The following FGF10 variants were observed in gnomAD, a reference collection of about 807,000 sequenced individuals.
FGF10 encodes fibroblast growth factor 10.
FGF10 carries 2 observed loss-of-function variants against 19.8 expected under a neutral mutation model. The observed-to-expected ratio is 0.10, with a 90% CI of 0.04 to 0.32. FGF10 has a LOEUF of 0.32. FGF10 is among the 10% of genes least tolerant of loss of function. FGF10 has a pLI of 1.00. For synonymous variants in FGF10, 112 were observed against 94.0 expected, an observed-to-expected ratio of 1.19 and a Z score of -1.10; for missense variants, 191 against 246.3, an observed-to-expected ratio of 0.78 and a Z score of 1.50.
chr5:44,367,575 A>G (rs1309526342), intron 1 of FGF10, among the ~76,000 whole-genome samples: 1 of 152,006 alleles, frequency 6.6e-6, no homozygotes, highest in Non-Finnish European at 1.5e-5. Context: ...CAGTGAAGTT[A>G]CTCGGCTTCT....
rs189910358 is a variant in FGF10 at position 44,324,801 on chromosome 5, T to C, written c.326-14271A>G. On this transcript the variant is annotated intron_variant, in intron 1 of 2. Coordinates refer to ENST00000264664, the MANE Select transcript of FGF10 (RefSeq NM_004465.2). Reference sequence around the variant, plus strand: ...TGGCAAAACCTAATTCTAGGTAAAGTGGTTGACTTTTTCAAGTCAGATTAA... The same window carrying C: ...TGGCAAAACCTAATTCTAGGTAAAGCGGTTGACTTTTTCAAGTCAGATTAA... Among the ~76,000 whole-genome samples, 14 of 152,282 alleles carry C rather than the reference T, an allele frequency of 9.2e-5. No homozygotes were observed. The South Asian group carries it at 1.9e-3, about 20-fold the overall frequency.
intron 1 of FGF10, among the ~76,000 whole-genome samples, chr5:44,328,948 G>A (rs970859840): frequency 2.0e-5 from 3 of 152,082 alleles, no homozygotes; most frequent in Non-Finnish European, 4.4e-5. Context: ...AGTGAGCCAC[G>A]ATTGCACCAT....
At chr5:44,347,736 C>T (rs1434103689) in intron 1 of FGF10, among the ~76,000 whole-genome samples, 3 of 151,696 alleles carry the variant, frequency 2.0e-5, no homozygotes, top group Non-Finnish European at 4.4e-5. Flanking sequence ...AAAATAAGTG[C>T]TCAATCAATA....
chr5:44,373,126 C>T (rs919827412), intron 1 of FGF10, among the ~76,000 whole-genome samples: 1 of 152,124 alleles, frequency 6.6e-6, no homozygotes, highest in Non-Finnish European at 1.5e-5. Context: ...TTCTCAAAAA[C>T]TCTGTGGTCC....
chr5:44,367,025 G>A (rs1382294517), intron 1 of FGF10, among the ~76,000 whole-genome samples: 1 of 151,862 alleles, frequency 6.6e-6, no homozygotes, highest in Non-Finnish European at 1.5e-5. Flanking sequence ...TTCTCAAACT[G>A]CAAGAAAATA....
chr5:44,313,891 A>G (rs544626551), intron 1 of FGF10, among the ~76,000 whole-genome samples: 2 of 152,152 alleles, frequency 1.3e-5, no homozygotes, highest in Non-Finnish European at 2.9e-5. Context: ...AAAGTCAAAT[A>G]CGTAATGGCT....
chr5:44,313,000 C>T (rs976881649), intron 1 of FGF10, among the ~76,000 whole-genome samples: 1 of 151,988 alleles, frequency 6.6e-6, no homozygotes, highest in Non-Finnish European at 1.5e-5. Flanking sequence ...TTCTGCTTTA[C>T]CTGAAATGGG....
rs901957735 is a variant in FGF10 at position 44,301,341 on chromosome 5, A to G, written c.*3654T>C. On this transcript the variant is annotated 3_prime_UTR_variant, in exon 3 of 3. Coordinates refer to ENST00000264664, the MANE Select transcript of FGF10 (RefSeq NM_004465.2). ...AAAAAGGTAAATTTTACTTCACTGA[A>G]TAATCACAAACCTTGAATTGGCAGC... Among the ~76,000 whole-genome samples the G allele has an allele frequency of 1.3e-5, 2 of 152,206 alleles. No homozygotes were observed. Among genetic ancestry groups the G allele is most frequent in the African/African-American group, 4.8e-5 (2 of 41,476 alleles).
chr5:44,301,220 T>C lies in FGF10; in HGVS notation c.*3775A>G, dbSNP rs2111652514. 6.6e-6 allele frequency among the ~76,000 whole-genome samples: 1 copy of C among 152,276 alleles called. No homozygotes were observed. The highest frequency in any genetic ancestry group is 2.1e-4 in the South Asian group (1 of 4,824). ...ATCTGTTTGCATGTATATGTCCTACTTCTAATGTACTAGACATCTTCTCTT... is the reference window on the plus strand; with the variant it reads ...ATCTGTTTGCATGTATATGTCCTACCTCTAATGTACTAGACATCTTCTCTT... On this transcript the variant is annotated 3_prime_UTR_variant, in exon 3 of 3. Coordinates refer to ENST00000264664, the MANE Select transcript of FGF10 (RefSeq NM_004465.2).
chr5:44,321,873 T>C (rs1050483031), intron 1 of FGF10, among the ~76,000 whole-genome samples: 27 of 152,266 alleles, frequency 1.8e-4, no homozygotes, highest in South Asian at 4.1e-4. Flanking sequence ...GTGATTCTCC[T>C]GCCTCAGCCT....
chr5:44,347,232 C>T (rs17234198), intron 1 of FGF10, among the ~76,000 whole-genome samples: 3,253 of 151,814 alleles, frequency 0.021, 72 homozygotes, highest in African/African-American at 0.057. Flanking sequence ...CCTCCCTATG[C>T]TTCCTGGGAT....
chr5:44,344,383 T>C (rs1561208383), intron 1 of FGF10, among the ~76,000 whole-genome samples: 1 of 151,940 alleles, frequency 6.6e-6, no homozygotes, highest in Non-Finnish European at 1.5e-5. Flanking sequence ...TATTTGTTAC[T>C]AGGGTACTAT....
chr5:44,383,680 G>C (rs1462297637), intron 1 of FGF10, among the ~76,000 whole-genome samples: 1 of 152,004 alleles, frequency 6.6e-6, no homozygotes, highest in Non-Finnish European at 1.5e-5. Context: ...CCATATGGTA[G>C]GAATGCAGTA....
At chr5:44,305,829 G>A (rs143248335) in intron 2 of FGF10, among the ~76,000 whole-genome samples, 1 of 152,154 alleles carries the variant, frequency 6.6e-6, no homozygotes, top group Non-Finnish European at 1.5e-5. Flanking sequence ...TGAACTCTAG[G>A]GATTGAAAAC....
At chr5:44,320,584 G>A (rs1035362996) in intron 1 of FGF10, among the ~76,000 whole-genome samples, 1 of 152,150 alleles carries the variant, frequency 6.6e-6, no homozygotes, top group African/African-American at 2.4e-5. Flanking sequence ...CATTCATTCT[G>A]CAAGCCTGCT....
intron 1 of FGF10, among the ~76,000 whole-genome samples, chr5:44,370,279 C>T (rs984145511): frequency 2.0e-5 from 3 of 152,108 alleles, no homozygotes; most frequent in Non-Finnish European, 4.4e-5. Flanking sequence ...TCAGAATGCA[C>T]AACTCTTATC....
At chr5:44,308,780 C>A (rs1740143396) in intron 2 of FGF10, among the ~76,000 whole-genome samples, 1 of 152,100 alleles carries the variant, frequency 6.6e-6, no homozygotes, top group Non-Finnish European at 1.5e-5. Flanking sequence ...TAGTAAAATA[C>A]AAGGCTACTC....
At chr5:44,367,747 A>G (rs555623812) in intron 1 of FGF10, among the ~76,000 whole-genome samples, 3 of 152,130 alleles carry the variant, frequency 2.0e-5, no homozygotes, top group African/African-American at 7.2e-5. Context: ...CAGAACTGAA[A>G]CAATATCTAA....
intron 1 of FGF10, among the ~76,000 whole-genome samples, chr5:44,360,346 G>T (rs1333625834): frequency 6.6e-6 from 1 of 151,506 alleles, no homozygotes; most frequent in African/African-American, 2.4e-5. Context: ...CCTGACATTT[G>T]ATATCTTCTG....
Sources: allele counts gnomAD v4.1 joint callset (sites outside exome capture counted in the v4.1 genomes callset), GRCh38; gene constraint gnomAD v4.1.1; transcripts MANE v1.5; gene names NCBI Gene and HGNC (gene_info 2026-07-23, HGNC 2026-07-21).